NRXN1: variants seen among roughly 807,000 people sequenced by gnomAD.
The protein encoded by NRXN1 is neurexin 1, also known as neurexin-1.
Under a neutral mutation model 150.9 loss-of-function variants are expected in NRXN1, and 39 were observed. That is an observed-to-expected ratio of 0.26 (90% confidence interval 0.20 to 0.34). The LOEUF is 0.34. NRXN1 is among the 10% of genes least tolerant of loss of function. The probability of loss-of-function intolerance (pLI) is 1.00; values close to 1 mark genes in which losing one functional copy is unlikely to be tolerated. For synonymous variants in NRXN1, 924 were observed against 757.0 expected (o/e 1.22, Z -3.62); for missense variants, 1,815 against 1,949.9 (o/e 0.93, Z 1.30).
chr2:49,980,792 ATAAT>A (rs1276523650), intron 21 of NRXN1, among the ~76,000 whole-genome samples: 2 of 152,128 alleles, frequency 1.3e-5, no homozygotes, highest in Admixed American at 1.3e-4. Context: ...ATGCTAGAAA[ATAAT>A]TTATTTTCAG....
Position 50,849,330 on chromosome 2 carries a change from C to T in NRXN1, c.832+72539G>A, listed in dbSNP as rs72891306. ...AAATTCTTTCTGTGTTCCCTTAACA[C>T]GTAAATCTTCTGCTAGACTCCTGTC... On this transcript the variant is annotated intron_variant, in intron 5 of 22. Coordinates refer to ENST00000401669, the MANE Select transcript of NRXN1 (RefSeq NM_001330078.2). Among the ~76,000 whole-genome samples the T allele has an allele frequency of 5.2e-3, 798 of 152,230 alleles. 10 individuals are homozygous for T. Among genetic ancestry groups the T allele is most frequent in the African/African-American group, 0.019 (776 of 41,540 alleles).
chr2:50,004,938 G>T (rs949982847), intron 21 of NRXN1, among the ~76,000 whole-genome samples: 1 of 150,054 alleles, frequency 6.7e-6, no homozygotes, highest in African/African-American at 2.4e-5. Flanking sequence ...GAATTCCACA[G>T]ATCCACAGTT....
At chr2:50,217,016 G>T (rs1574543742) in intron 18 of NRXN1, among the ~76,000 whole-genome samples, 2 of 152,146 alleles carry the variant, frequency 1.3e-5, no homozygotes, top group East Asian at 3.9e-4. Flanking sequence ...ACTTTCAAGG[G>T]TCAAAAGCAA....
rs928795847 is a variant in NRXN1, at chr2:50,347,650, C to T, written c.3365-110680G>A. 8 of 987,776 alleles carry T rather than the reference C, an allele frequency of 8.1e-6. No individual in the cohort carries two copies. The highest frequency in any genetic ancestry group is 9.6e-6 in the Non-Finnish European group (8 of 831,584). 61.2% of individuals were successfully genotyped at this position (987,776 alleles called of 1,614,324 possible). ...GAGGGGTTCAGAGGGAAGAGTGCGC[C>T]CTTCTGAAGGAAGTGGGAATCGAAC... On this transcript the variant is annotated intron_variant, in intron 17 of 22. Coordinates refer to ENST00000401669, the MANE Select transcript of NRXN1 (RefSeq NM_001330078.2). The surrounding 1 kb of genome is among the most constrained non-coding windows in gnomAD (Gnocchi z 4.9).
chr2:50,780,642 C>T (rs535662791), intron 5 of NRXN1, among the ~76,000 whole-genome samples: 6 of 152,200 alleles, frequency 3.9e-5, no homozygotes, highest in African/African-American at 1.2e-4. Flanking sequence ...TAGCCTTGGT[C>T]TACTCATGTT....
intron 21 of NRXN1, among the ~76,000 whole-genome samples, chr2:50,014,100 TTTTTTGTTTTTG>T (rs1048559601): frequency 6.6e-6 from 1 of 151,654 alleles, no homozygotes; most frequent in East Asian, 1.9e-4. Context: ...AGCTTGTTTT[TTTTTTGTTTTTG>T]TTTTTGTTTT....
At chr2:49,997,104 G>A (rs1381813469) in intron 21 of NRXN1, among the ~76,000 whole-genome samples, 2 of 152,158 alleles carry the variant, frequency 1.3e-5, no homozygotes, top group Admixed American at 1.3e-4. Context: ...AAAGCAAGAT[G>A]CTGAAATCTT....
chr2:50,667,250 T>C (rs905048083), intron 5 of NRXN1, among the ~76,000 whole-genome samples: 1 of 151,908 alleles, frequency 6.6e-6, no homozygotes, highest in Non-Finnish European at 1.5e-5. Flanking sequence ...ATTATCAACA[T>C]AGTTTGCTAT....
intron 18 of NRXN1, among the ~76,000 whole-genome samples, chr2:50,104,477 G>A (rs1260617819): frequency 6.6e-6 from 1 of 151,966 alleles, no homozygotes; most frequent in East Asian, 1.9e-4. Flanking sequence ...CTTATTCAGT[G>A]TTTGGTAATA....
chr2:50,693,423 T>A (rs561249274), intron 5 of NRXN1, among the ~76,000 whole-genome samples: 1 of 152,182 alleles, frequency 6.6e-6, no homozygotes, highest in African/African-American at 2.4e-5. Flanking sequence ...CTTGGAGGTG[T>A]TTTTTTAGAA....
chr2:50,538,495 G>A lies in NRXN1; in HGVS notation c.1901C>T (p.Ala634Val). ...GCCCACGTAGCCATAGTTGAGCAGA[G>A]CAGTCCACACCTCGGTGGGGAAGAC... ...GLVFPTEVWT[A>V]LLNYGYVGCI... The change falls in exon 10 of 23, where the codon GCT (alanine) becomes GTT (valine). Residue 634 changes from alanine to valine, a missense_variant. Ala to Val is a moderately conservative substitution (Grantham distance 64, BLOSUM62 0). Transcript: ENST00000401669. 6.2e-7 allele frequency: 1 copy of A among 1,613,140 alleles called. No homozygotes were observed.
At chr2:50,252,123 A>G (rs536303399) in intron 17 of NRXN1, among the ~76,000 whole-genome samples, 1 of 148,710 alleles carries the variant, frequency 6.7e-6, no homozygotes, top group East Asian at 2.0e-4. Flanking sequence ...CTATGTCCTG[A>G]ATGGTATTGC....
At chr2:50,502,876 T>C (rs1204872516) in intron 13 of NRXN1, among the ~76,000 whole-genome samples, 1 of 152,170 alleles carries the variant, frequency 6.6e-6, no homozygotes, top group Non-Finnish European at 1.5e-5. Flanking sequence ...GTAGCAATGA[T>C]ACCCCAGCAG....
chr2:50,143,809 T>C (rs1707615738), intron 18 of NRXN1, among the ~76,000 whole-genome samples: 1 of 151,882 alleles, frequency 6.6e-6, no homozygotes, highest in Admixed American at 6.6e-5. Flanking sequence ...TGCACAATGT[T>C]TGCCCAGCGT....
chr2:50,783,378 C>T (rs763354613), intron 5 of NRXN1, among the ~76,000 whole-genome samples: 1 of 152,030 alleles, frequency 6.6e-6, no homozygotes, highest in Non-Finnish European at 1.5e-5. Context: ...ACCTGGGGAT[C>T]CTTCTGCTAA....
At chr2:50,790,822 G>C (rs531556890) in intron 5 of NRXN1, among the ~76,000 whole-genome samples, 1 of 152,102 alleles carries the variant, frequency 6.6e-6, no homozygotes, top group African/African-American at 2.4e-5. Flanking sequence ...TCCCCCTAAA[G>C]AATGCTGAAT....
At chr2:49,923,750 C>A (rs1162912897) in intron 22 of NRXN1, among the ~76,000 whole-genome samples, 1 of 151,886 alleles carries the variant, frequency 6.6e-6, no homozygotes. Context: ...CTGTGATTTT[C>A]TTTTCCTTCC....
chr2:50,017,103 A>AT (rs2152554295), intron 21 of NRXN1, among the ~76,000 whole-genome samples: 1 of 152,240 alleles, frequency 6.6e-6, no homozygotes, highest in Admixed American at 6.5e-5. Flanking sequence ...TCTAATCAGC[A>AT]TTTTATGCAC....
intron 12 of NRXN1, among the ~76,000 whole-genome samples, chr2:50,512,589 A>C (rs577434247): frequency 6.6e-6 from 1 of 152,180 alleles, no homozygotes; most frequent in South Asian, 2.1e-4. Context: ...AGACATCTCC[A>C]TGGGAGGTTA....
Sources: allele counts gnomAD v4.1 joint callset (sites outside exome capture counted in the v4.1 genomes callset), GRCh38; gene constraint gnomAD v4.1.1; non-coding constraint Gnocchi (gnomAD v3.1); transcripts MANE v1.5; gene names NCBI Gene and HGNC (gene_info 2026-07-23, HGNC 2026-07-21).